The following TNKS variants were observed in gnomAD, a reference collection of about 807,000 sequenced individuals.
The protein encoded by TNKS is poly [ADP-ribose] polymerase tankyrase-1.
Under a neutral mutation model 135.8 loss-of-function variants are expected in TNKS, and 72 were observed. That is an observed-to-expected ratio of 0.53 (90% CI 0.44 to 0.64). TNKS has a LOEUF of 0.64. Ranked by LOEUF, TNKS falls within the 30% of genes least tolerant of loss-of-function variation. The probability of loss-of-function intolerance (pLI) is 0.00; values close to 1 mark genes in which losing one functional copy is unlikely to be tolerated. For missense variants in TNKS, 1,769 were observed against 1,674.0 expected (o/e 1.06, Z -0.99); for synonymous variants, 849 against 649.3 (o/e 1.31, Z -4.68).
Position 9,574,305 on chromosome 8 carries a change from T to G in TNKS, c.674-5854T>G, listed in dbSNP as rs78848938. 2.0e-3 allele frequency among the ~76,000 whole-genome samples: 303 copies of G among 152,312 alleles called. 6 individuals carry two copies. The East Asian group carries it at 0.049, about 25-fold the overall frequency. ...GTTGCTACCTGCTTTGCCTGACCCT[T>G]CCTCAACTGGCGCCTCTAAAAATAG... On this transcript the variant is annotated intron_variant, in intron 1 of 26. Transcript: ENST00000310430.
chr8:9,641,001 T>C lies in TNKS; in HGVS notation c.994+25324T>C, dbSNP rs144825359. ...TACCTCCTTAGCCCGTCTCCCTAAA[T>C]CTCCCAACCAAAGCCCAAACGCTTT... On this transcript the variant is annotated intron_variant, in intron 3 of 26. Transcript: ENST00000310430. Among the ~76,000 whole-genome samples the C allele has an allele frequency of 1.6e-3, 233 of 145,630 alleles. 19 individuals are homozygous for C. Among genetic ancestry groups the C allele is most frequent in the African/African-American group, 5.7e-3 (224 of 39,314 alleles).
Position 9,735,425 on chromosome 8 carries a change from C to G in TNKS, c.2582C>G (p.Ala861Gly). 1.2e-6 allele frequency: 2 copies of G among 1,614,042 alleles called. No homozygotes were observed. Among genetic ancestry groups the G allele is most frequent in the Non-Finnish European group, 8.5e-7 (1 of 1,180,002 alleles). ...GCTGAATATCTTCTAGAGCATGGAG[C>G]TGATGTTAATGCCCAGGACAAGGGT... is the stretch of plus-strand genomic sequence containing the variant. ...EVAEYLLEHG[A>G]DVNAQDKGGL... The change falls in exon 17 of 27, where the codon GCT (alanine) becomes GGT (glycine). Residue 861 changes from alanine to glycine, a missense_variant. This residue lies in a region of TNKS where 722 missense variants were observed against 688.9 expected (regional missense o/e 1.05). Coordinates refer to ENST00000310430, the MANE Select transcript of TNKS (RefSeq NM_003747.3).
intron 1 of TNKS, among the ~76,000 whole-genome samples, chr8:9,579,076 A>C (rs1408171874): frequency 3.9e-5 from 6 of 152,026 alleles, no homozygotes; most frequent in Non-Finnish European, 5.9e-5. Flanking sequence ...TTACCTTTCT[A>C]AGTGTTTGCC....
chr8:9,582,103 T>C (rs1235877437), intron 2 of TNKS, among the ~76,000 whole-genome samples: 1 of 152,226 alleles, frequency 6.6e-6, no homozygotes, highest in Admixed American at 6.5e-5. Context: ...ATCATAGTTA[T>C]TATGGGAGTC....
intron 3 of TNKS, among the ~76,000 whole-genome samples, chr8:9,620,605 T>C (rs762803314): frequency 5.9e-5 from 9 of 152,198 alleles, no homozygotes; most frequent in Non-Finnish European, 1.0e-4. Context: ...TGTCTTCTAC[T>C]GTATTCTCTC....
intron 3 of TNKS, among the ~76,000 whole-genome samples, chr8:9,624,075 A>C (rs1040682274): frequency 6.6e-6 from 1 of 151,926 alleles, no homozygotes. Flanking sequence ...TAATCTCACC[A>C]CTCTAGTACT....
intron 21 of TNKS, among the ~76,000 whole-genome samples, chr8:9,762,436 TACAAGAGTTTTTAGA>T (rs1807192086): frequency 6.6e-6 from 1 of 152,266 alleles, no homozygotes; most frequent in East Asian, 1.9e-4. Flanking sequence ...CAAGCCATCT[TACAAGAGTTTTTAGA>T]GGATAATTTT....
At chr8:9,596,853 G>A (rs1563104501) in intron 2 of TNKS, among the ~76,000 whole-genome samples, 1 of 152,174 alleles carries the variant, frequency 6.6e-6, no homozygotes, top group African/African-American at 2.4e-5. Context: ...AGGATTGAGG[G>A]AACCAGGCCA....
rs931239701 is a variant in TNKS, at chr8:9,640,869, C to T, written c.994+25192C>T. 1.4e-4 allele frequency among the ~76,000 whole-genome samples: 21 copies of T among 145,946 alleles called. 2 individuals carry two copies. The highest frequency in any genetic ancestry group is 5.3e-4 in the African/African-American group (21 of 39,426). ...AACAAGGTCACTGTGTAACTCACAA[C>T]ATACCCAACATCCTTCTCACCTGGC... On this transcript the variant is annotated intron_variant, in intron 3 of 26. Transcript: ENST00000310430.
chr8:9,570,536 G>A lies in TNKS; in HGVS notation c.674-9623G>A, dbSNP rs150735427. The stretch of plus-strand genomic sequence containing the variant: ...TAGAATAACCAACTGCTTGCAAAAA[G>A]CATGCGGTTAGTACAGCATTTTCAC... On this transcript the variant is annotated intron_variant, in intron 1 of 26. Coordinates refer to ENST00000310430, the MANE Select transcript of TNKS (RefSeq NM_003747.3). Among the ~76,000 whole-genome samples, 15 of 152,270 alleles carry A rather than the reference G, an allele frequency of 9.9e-5. 1 individual carries two copies. The Middle Eastern group carries it at 0.014, about 138-fold the overall frequency.
chr8:9,776,800 T>G lies in TNKS; in HGVS notation c.*64T>G. 12 of 1,476,994 alleles carry G rather than the reference T, an allele frequency of 8.1e-6. No individual in the cohort carries two copies. The highest frequency in any genetic ancestry group is 1.1e-5 in the Non-Finnish European group (12 of 1,059,118). 91.5% of individuals were successfully genotyped at this position (1,476,994 alleles called of 1,614,324 possible). On this transcript the variant is annotated 3_prime_UTR_variant, in exon 27 of 27. Transcript: ENST00000310430. Reference sequence around the variant, plus strand: ...TGGGACTGGATTACAGAGGATTGTTTCTAATAACAACATCAATATTCTAGA... The same window carrying G: ...TGGGACTGGATTACAGAGGATTGTTGCTAATAACAACATCAATATTCTAGA...
intron 3 of TNKS, among the ~76,000 whole-genome samples, chr8:9,674,575 A>T (rs557929707): frequency 3.3e-5 from 5 of 152,228 alleles, no homozygotes; most frequent in Admixed American, 3.3e-4. Context: ...AATGTTCAGT[A>T]TAGAGGTACT....
chr8:9,763,660 C>T (rs1398636333), intron 22 of TNKS, among the ~76,000 whole-genome samples: 1 of 152,138 alleles, frequency 6.6e-6, no homozygotes, highest in African/African-American at 2.4e-5. Flanking sequence ...GCCTAATCGT[C>T]ACGTATGCTT....
chr8:9,659,416 T>C (rs1801586366), intron 3 of TNKS, among the ~76,000 whole-genome samples: 2 of 152,210 alleles, frequency 1.3e-5, no homozygotes, highest in East Asian at 3.9e-4. Context: ...AAACTAGATC[T>C]CAGGATTAAG....
At chr8:9,626,374 T>C (rs1186182741) in intron 3 of TNKS, among the ~76,000 whole-genome samples, 1 of 152,240 alleles carries the variant, frequency 6.6e-6, no homozygotes, top group Non-Finnish European at 1.5e-5. Flanking sequence ...TGAATTGGTA[T>C]ACTTAGGCGC....
intron 1 of TNKS, among the ~76,000 whole-genome samples, chr8:9,565,096 G>A (rs774771318): frequency 1.3e-5 from 2 of 151,870 alleles, no homozygotes; most frequent in African/African-American, 2.4e-5. Flanking sequence ...TTCTTTTAAG[G>A]CTTCATCAGA....
At chr8:9,690,103 C>T (rs1224697782) in intron 5 of TNKS, among the ~76,000 whole-genome samples, 1 of 152,166 alleles carries the variant, frequency 6.6e-6, no homozygotes, top group African/African-American at 2.4e-5. Context: ...AATCTACCAG[C>T]TATTTCTCAT....
At chr8:9,768,265 G>C (rs565458879) in intron 25 of TNKS, among the ~76,000 whole-genome samples, 5 of 152,326 alleles carry the variant, frequency 3.3e-5, no homozygotes, top group South Asian at 2.1e-4. Context: ...AACTGAGGTG[G>C]AGAAGACAGC....
intron 4 of TNKS, 99 bp downstream of exon 4, chr8:9,680,086 C>T (rs777335632): frequency 1.3e-5 from 11 of 861,372 alleles, no homozygotes; most frequent in Non-Finnish European, 2.1e-5. Context: ...TATTGTCTTG[C>T]TTGGATTTTA....
Sources: gnomAD v4.1 joint callset for allele counts (sites outside exome capture counted in the v4.1 genomes callset) on GRCh38, gnomAD v4.1.1 for gene constraint, gnomAD v4.1.1 regional missense constraint, MANE v1.5 for transcripts, NCBI Gene and HGNC (gene_info 2026-07-23, HGNC 2026-07-21) for gene names.